The following C10orf67 variants were observed in gnomAD, a reference collection of about 807,000 sequenced individuals.
C10orf67 encodes uncharacterized protein C10orf67, mitochondrial.
A neutral mutation model predicts 35.6 loss-of-function variants in C10orf67; 60 were observed. The ratio of observed to expected loss-of-function variants is 1.68; its 90% CI spans 1.37 to 2.09. The LOEUF (loss-of-function observed/expected upper bound fraction) is 2.09, where lower values mean the gene tolerates loss of function less well. Ranked by LOEUF, C10orf67 falls within the 30% of genes most tolerant of loss-of-function variation. C10orf67 has a pLI of 0.00. For missense variants in C10orf67, 474 were observed against 330.2 expected (o/e 1.44, Z -3.38); for synonymous variants, 167 against 115.8 (o/e 1.44, Z -2.84).
intron 10 of C10orf67, among the ~76,000 whole-genome samples, chr10:23,255,463 C>G (rs1842575006): frequency 6.6e-6 from 1 of 152,176 alleles, no homozygotes; most frequent in Admixed American, 6.5e-5. Context: ...ATATGCAACT[C>G]TCAAGCATGT....
chr10:23,249,083 T>C (rs1842382812), intron 12 of C10orf67, among the ~76,000 whole-genome samples: 2 of 131,530 alleles, frequency 1.5e-5, no homozygotes, highest in African/African-American at 3.1e-5. Flanking sequence ...TGAGCCGAGA[T>C]TGCACCACTG....
At chr10:23,227,244 C>T (rs1841765963) in intron 13 of C10orf67, among the ~76,000 whole-genome samples, 1 of 152,212 alleles carries the variant, frequency 6.6e-6, no homozygotes, top group Admixed American at 6.5e-5. Context: ...CCAACATGAT[C>T]AAGTGGGCTT....
Position 23,213,363 on chromosome 10 carries a change from A to G in C10orf67, c.1571-9108T>C, listed in dbSNP as rs144453795. ...GAAATACATGAATCATCAGATCCAA[A>G]TTTTATCATGAATATTGATAAATAC... On this transcript the variant is annotated intron_variant, in intron 15 of 15. Coordinates refer to ENST00000636213, the MANE Select transcript of C10orf67 (RefSeq NM_001371909.1). Among the ~76,000 whole-genome samples the G allele has an allele frequency of 1.2e-4, 19 of 152,350 alleles. 1 individual carries two copies. The East Asian group carries it at 3.1e-3, about 25-fold the overall frequency.
At chr10:23,285,100 T>G (rs1183138054) in intron 7 of C10orf67, among the ~76,000 whole-genome samples, 1 of 152,174 alleles carries the variant, frequency 6.6e-6, no homozygotes, top group Non-Finnish European at 1.5e-5. Flanking sequence ...TGACAAAGCA[T>G]GCTGACATTC....
At chr10:23,225,428 A>G (rs943082995) in intron 13 of C10orf67, among the ~76,000 whole-genome samples, 43 of 152,336 alleles carry the variant, frequency 2.8e-4, no homozygotes, top group African/African-American at 1.0e-3. Flanking sequence ...CCAAATTGTA[A>G]AGACCATTAA....
At chr10:23,270,873 G>T (rs1347416656) in intron 8 of C10orf67, among the ~76,000 whole-genome samples, 2 of 152,186 alleles carry the variant, frequency 1.3e-5, no homozygotes, top group African/African-American at 4.8e-5. Flanking sequence ...CTCCTCACTG[G>T]GTGGGGCCTC....
chr10:23,305,854 A>G (rs972848440), intron 4 of C10orf67, among the ~76,000 whole-genome samples: 2 of 152,158 alleles, frequency 1.3e-5, no homozygotes, highest in Non-Finnish European at 2.9e-5. Flanking sequence ...TAAAATCATG[A>G]TCTTAAAGAT....
chr10:23,226,733 T>C lies in C10orf67; in HGVS notation c.1435-2915A>G, dbSNP rs187285329. On this transcript the variant is annotated intron_variant, in intron 13 of 15. Coordinates refer to ENST00000636213, the MANE Select transcript of C10orf67 (RefSeq NM_001371909.1). Reference sequence around the variant, plus strand: ...AGAAAAGAGAGAAGAATCAAATAGATGCAATAAAAAATGATAAAGGGGATA... The same window carrying C: ...AGAAAAGAGAGAAGAATCAAATAGACGCAATAAAAAATGATAAAGGGGATA... 7.3e-3 allele frequency among the ~76,000 whole-genome samples: 1,112 copies of C among 151,488 alleles called. 15 individuals carry two copies. The highest frequency in any genetic ancestry group is 0.026 in the African/African-American group (1,070 of 41,284).
intron 12 of C10orf67, among the ~76,000 whole-genome samples, chr10:23,249,175 T>C (rs1462336784): frequency 6.8e-6 from 1 of 147,968 alleles, no homozygotes; most frequent in African/African-American, 2.5e-5. Context: ...ACTGATACGT[T>C]CTTGTAAATC....
chr10:23,231,139 A>C (rs1366476455), intron 13 of C10orf67, among the ~76,000 whole-genome samples: 2 of 151,904 alleles, frequency 1.3e-5, no homozygotes, highest in Admixed American at 6.6e-5. Context: ...TTTTGTAGAG[A>C]CAGAGTCTCA....
At chr10:23,289,800 C>T in intron 7 of C10orf67, 100 bp downstream of exon 7, 2 of 633,006 alleles carry the variant, frequency 3.2e-6, no homozygotes, top group South Asian at 2.0e-5. Flanking sequence ...AATCAACTTT[C>T]CTCTATGTCA....
In C10orf67 at chr10:23,294,049, C is replaced by A. The variant is rs528981736; in HGVS notation, c.703-2770G>T. The stretch of plus-strand genomic sequence containing the variant: ...TTCTCAGCAGTTTCCCCTCCACAGG[C>A]TCCATTGAATTGGACATCTCAATTT... On this transcript the variant is annotated intron_variant, in intron 5 of 15. Transcript: ENST00000636213. Among the ~76,000 whole-genome samples the A allele has an allele frequency of 6.6e-5, 10 of 152,306 alleles. No homozygotes were observed. The East Asian group carries it at 1.9e-3, about 29-fold the overall frequency.
intron 13 of C10orf67, among the ~76,000 whole-genome samples, chr10:23,232,002 C>A (rs1841925766): frequency 6.6e-6 from 1 of 152,052 alleles, no homozygotes; most frequent in South Asian, 2.1e-4. Flanking sequence ...AGTGATAAAA[C>A]TATGAAGAAA....
intron 2 of C10orf67, among the ~76,000 whole-genome samples, chr10:23,330,012 A>G (rs533777987): frequency 2.9e-4 from 44 of 152,342 alleles, no homozygotes; most frequent in African/African-American, 1.0e-3. Context: ...GAGAAAAGCC[A>G]TATGAGTGCA....
intron 1 of C10orf67, chr10:23,344,070 C>T: frequency 3.7e-6 from 1 of 270,932 alleles, no homozygotes; most frequent in East Asian, 1.2e-4. Context: ...ACCCGGCGTC[C>T]GTTGCCATGG....
intron 4 of C10orf67, among the ~76,000 whole-genome samples, chr10:23,319,469 C>T (rs1202868535): frequency 1.3e-5 from 2 of 152,152 alleles, no homozygotes; most frequent in Non-Finnish European, 2.9e-5. Context: ...AATGAACACA[C>T]ACATGCAGGT....
chr10:23,325,187 AT>A (rs1189542639), intron 2 of C10orf67, among the ~76,000 whole-genome samples: 1 of 152,110 alleles, frequency 6.6e-6, no homozygotes, highest in Non-Finnish European at 1.5e-5. Flanking sequence ...AAATTTAAAA[AT>A]TAGCCAGGCG....
chr10:23,340,349 C>A (rs1395268401), intron 1 of C10orf67, among the ~76,000 whole-genome samples: 237 of 118,472 alleles, frequency 2.0e-3, no homozygotes, highest in Non-Finnish European at 2.4e-3. Flanking sequence ...TACAAAAATA[C>A]AAAAAAAAAA....
At chr10:23,282,181 T>C in intron 7 of C10orf67, 103 bp from the exon 8 acceptor site, 1 of 383,266 alleles carries the variant, frequency 2.6e-6, no homozygotes, top group Non-Finnish European at 4.8e-6. Context: ...ATGAGAAAAA[T>C]GGATCTCAAT....
Sources: allele counts gnomAD v4.1 joint callset (sites outside exome capture counted in the v4.1 genomes callset), GRCh38; gene constraint gnomAD v4.1.1; transcripts MANE v1.5; gene names NCBI Gene and HGNC (gene_info 2026-07-23, HGNC 2026-07-21).